Variants in ACO2 observed in about 807,000 individuals in gnomAD.
ACO2 encodes the protein aconitase 2.
ACO2 carries 31 observed loss-of-function variants against 84.5 expected under a neutral mutation model. The ratio of observed to expected loss-of-function variants is 0.37; its 90% CI spans 0.28 to 0.50. The LOEUF (loss-of-function observed/expected upper bound fraction) is 0.50, where lower values mean the gene tolerates loss of function less well. Ranked by LOEUF, ACO2 falls within the 20% of genes least tolerant of loss-of-function variation. The pLI is 0.97. For synonymous variants in ACO2, 414 were observed against 412.7 expected (o/e 1.00, Z -0.04); for missense variants, 685 against 1,029.3 (o/e 0.67, Z 4.58).
chr22:41,485,646 TG>T (rs2038145141), intron 1 of ACO2, among the ~76,000 whole-genome samples: 1 of 151,950 alleles, frequency 6.6e-6, no homozygotes, highest in African/African-American at 2.4e-5. Flanking sequence ...GGTTTCACTG[TG>T]TTAGCCAGGA....
At chr22:41,484,259 G>A (rs2038123796) in intron 1 of ACO2, among the ~76,000 whole-genome samples, 1 of 152,190 alleles carries the variant, frequency 6.6e-6, no homozygotes, top group Admixed American at 6.5e-5. Flanking sequence ...AGAAACTTCA[G>A]CCCTGACACC....
At chr22:41,469,816 G>A (rs2037921238) in intron 1 of ACO2, among the ~76,000 whole-genome samples, 2 of 125,922 alleles carry the variant, frequency 1.6e-5, no homozygotes, top group Admixed American at 1.5e-4. Flanking sequence ...TGTAATCGTA[G>A]GAATGAGGTG....
intron 6 of ACO2, 101 bp downstream of exon 6, chr22:41,516,018 G>T: frequency 6.8e-7 from 1 of 1,470,296 alleles, no homozygotes; most frequent in South Asian, 1.2e-5. Flanking sequence ...TTGAGAATCT[G>T]TCTGTTCCAT....
rs1217614987 is a variant in ACO2 at position 41,515,954 on chromosome 22, G to C, written c.835+37G>C. 2 of 1,599,122 alleles carry C rather than the reference G, an allele frequency of 1.3e-6. No individual in the cohort carries two copies. The highest frequency in any genetic ancestry group is 1.7e-5 in the Admixed American group (1 of 57,194). On this transcript the variant is annotated intron_variant, in intron 6 of 17. Coordinates refer to ENST00000216254, the MANE Select transcript of ACO2 (RefSeq NM_001098.3). The surrounding 1 kb of genome is among the most constrained non-coding windows in gnomAD (Gnocchi z 5.8). ...GGCCAGGCGACGTGGCCCCTACCCT[G>C]TGCTGGGCCTGATGGGTCTCCAGTT...
intron 6 of ACO2, 188 bp from the exon 7 acceptor site, chr22:41,517,339 C>T: frequency 1.7e-6 from 1 of 578,872 alleles, no homozygotes; most frequent in South Asian, 1.9e-5. Flanking sequence ...TCCCCATGGC[C>T]TCCCCTCACC....
chr22:41,518,423 A>G, intron 7 of ACO2, 58 bp from the exon 8 acceptor site: 1 of 1,363,578 alleles, frequency 7.3e-7, no homozygotes, highest in Admixed American at 1.7e-5. Context: ...GTGGTGAGTG[A>G]ACTCTCAAGA....
chr22:41,478,034 C>T (rs1345606552), intron 1 of ACO2, among the ~76,000 whole-genome samples: 2 of 151,996 alleles, frequency 1.3e-5, no homozygotes, highest in African/African-American at 2.4e-5. Context: ...TGCTGCACTC[C>T]AGCCTGGGCA....
chr22:41,472,482 C>T (rs909508699), intron 1 of ACO2, among the ~76,000 whole-genome samples: 2 of 152,122 alleles, frequency 1.3e-5, no homozygotes, highest in Non-Finnish European at 2.9e-5. Context: ...CCTTTGGCAT[C>T]GAGCTCAGCC....
At chr22:41,511,069 G>A (rs1455855043) in intron 3 of ACO2, among the ~76,000 whole-genome samples, 3 of 152,186 alleles carry the variant, frequency 2.0e-5, no homozygotes, top group African/African-American at 7.2e-5. Context: ...GTAGTGGTGC[G>A]ATCTCGGCTC....
intron 10 of ACO2, 97 bp downstream of exon 10, chr22:41,523,084 G>A (rs1163819370): frequency 3.8e-6 from 6 of 1,565,518 alleles, no homozygotes; most frequent in Non-Finnish European, 5.2e-6. Flanking sequence ...CGGGGCTGGG[G>A]CAGGTCCCAG....
chr22:41,526,908 G>A, intron 15 of ACO2: 1 of 341,402 alleles, frequency 2.9e-6, no homozygotes, highest in South Asian at 3.6e-5. Flanking sequence ...CCTGGTGGCT[G>A]GGTGGGGCAG....
intron 15 of ACO2, chr22:41,527,047 T>C: frequency 1.7e-6 from 1 of 592,808 alleles, no homozygotes; most frequent in Admixed American, 3.0e-5. Flanking sequence ...ATGGGTGGCT[T>C]CTGTCTTCTT....
chr22:41,484,759 A>G (rs1202131550), intron 1 of ACO2, among the ~76,000 whole-genome samples: 2 of 152,018 alleles, frequency 1.3e-5, no homozygotes, highest in Non-Finnish European at 2.9e-5. Context: ...ATATCATTTC[A>G]TTCCTCACAT....
At chr22:41,505,734 T>G (rs140579849) in intron 2 of ACO2, among the ~76,000 whole-genome samples, 3 of 151,870 alleles carry the variant, frequency 2.0e-5, no homozygotes, top group Admixed American at 6.6e-5. Context: ...TGGTCTCTAG[T>G]GACAGAAAGC....
rs557552328 is a variant in ACO2 at position 41,472,348 on chromosome 22, G to A, written c.36+3166G>A. Among the ~76,000 whole-genome samples the A allele has an allele frequency of 1.0e-4, 15 of 146,222 alleles. No individual in the cohort carries two copies. In the South Asian group the frequency reaches 1.1e-3, roughly 10 times the overall value. On this transcript the variant is annotated intron_variant, in intron 1 of 17. Coordinates refer to ENST00000216254, the MANE Select transcript of ACO2 (RefSeq NM_001098.3). ...AGCCTGGGTGACAGAGTGAGACTCC[G>A]TCTCAAAAAAAAAAAAAAAAAATTG... is the stretch of plus-strand genomic sequence containing the variant.
chr22:41,471,674 C>T (rs2037947978), intron 1 of ACO2, among the ~76,000 whole-genome samples: 1 of 152,134 alleles, frequency 6.6e-6, no homozygotes, highest in Non-Finnish European at 1.5e-5. Context: ...TTGGCTGGAC[C>T]AAAGGTGAAG....
chr22:41,527,256 G>C lies in ACO2; in HGVS notation c.1954-32G>C, dbSNP rs78241684. 2.5e-3 allele frequency: 4,016 copies of C among 1,613,900 alleles called. 88 individuals carry two copies. In the African/African-American group the frequency reaches 0.048, roughly 19 times the overall value. ...ACAGGTGAGGACGGTGCCCTCCTCT[G>C]CCTTATAACCTTACCCCCGCTTGCC... is the stretch of plus-strand genomic sequence containing the variant. On this transcript the variant is annotated intron_variant, in intron 15 of 17. Coordinates refer to ENST00000216254, the MANE Select transcript of ACO2 (RefSeq NM_001098.3).
At chr22:41,520,877 G>A (rs1157276380) in intron 9 of ACO2, among the ~76,000 whole-genome samples, 1 of 150,306 alleles carries the variant, frequency 6.7e-6, no homozygotes, top group Non-Finnish European at 1.5e-5. Context: ...GTGTGGAGGC[G>A]CATGCCTATA....
chr22:41,516,243 G>A (rs999136662), intron 6 of ACO2: 6 of 581,554 alleles, frequency 1.0e-5, no homozygotes, highest in Admixed American at 3.0e-5. Context: ...TGATCTAGAC[G>A]AATCCAGAGA....
Sources: gnomAD v4.1 joint callset for allele counts (sites outside exome capture counted in the v4.1 genomes callset) on GRCh38, gnomAD v4.1.1 for gene constraint, Gnocchi (gnomAD v3.1) non-coding constraint, MANE v1.5 for transcripts, NCBI Gene and HGNC (gene_info 2026-07-23, HGNC 2026-07-21) for gene names.